YTHDC1: variants seen among roughly 807,000 people sequenced by gnomAD.
YTHDC1 encodes YTH domain-containing protein 1.
YTHDC1 carries 12 observed loss-of-function variants against 107.0 expected under a neutral mutation model. The ratio of observed to expected loss-of-function variants is 0.11; its 90% CI spans 0.07 to 0.18. The LOEUF (loss-of-function observed/expected upper bound fraction) is 0.18. Among genes scored for constraint, YTHDC1 ranks in the 10% least tolerant of loss-of-function variants. The pLI is 1.00. For synonymous variants in YTHDC1, 280 were observed against 289.5 expected (o/e 0.97, Z 0.33); for missense variants, 635 against 898.8 (o/e 0.71, Z 3.75).
chr4:68,333,240 G>A, intron 5 of YTHDC1, 68 bp downstream of exon 5: 2 of 1,223,764 alleles, frequency 1.6e-6, no homozygotes, highest in Non-Finnish European at 2.4e-6. Context: ...CTAAACTACA[G>A]CCTCCACACG....
intron 9 of YTHDC1, among the ~76,000 whole-genome samples, chr4:68,328,062 TTAG>T (rs1723189742): frequency 6.6e-6 from 1 of 152,108 alleles, no homozygotes; most frequent in African/African-American, 2.4e-5. Flanking sequence ...TTCAAACAAA[TTAG>T]TAGAATAGTC....
intron 16 of YTHDC1, among the ~76,000 whole-genome samples, chr4:68,315,099 T>G (rs1721688156): frequency 6.6e-6 from 1 of 152,154 alleles, no homozygotes; most frequent in Admixed American, 6.5e-5. Flanking sequence ...ATCTCAGACT[T>G]CCTATTTTAA....
At chr4:68,348,056 G>A in intron 1 of YTHDC1, among the ~76,000 whole-genome samples, 1 of 152,208 alleles carries the variant, frequency 6.6e-6, no homozygotes, top group East Asian at 1.9e-4. Flanking sequence ...TGTATCCTAT[G>A]TATAGACAAC....
At chr4:68,349,298 T>G (rs1241107607) in intron 1 of YTHDC1, among the ~76,000 whole-genome samples, 2 of 152,204 alleles carry the variant, frequency 1.3e-5, no homozygotes, top group Non-Finnish European at 2.9e-5. Flanking sequence ...CTTCCTAAAC[T>G]TGCTCACTTA....
At position 68,330,159 on chromosome 4, in the gene YTHDC1, T is replaced by C. The variant is rs781053336; in HGVS notation, c.1232-40A>G. On this transcript the variant is annotated intron_variant, in intron 8 of 16. Coordinates refer to ENST00000344157, the MANE Select transcript of YTHDC1 (RefSeq NM_001031732.4). ...TCATAATATAATATGTAGATGCTAA[T>C]ATAATTAATGTTTTTATATGTCCAA... is the stretch of plus-strand genomic sequence containing the variant. 4.4e-6 allele frequency: 7 copies of C among 1,577,632 alleles called. No homozygotes were observed. The South Asian group carries it at 5.7e-5, about 13-fold the overall frequency.
At chr4:68,326,411 C>A (rs1352804825) in intron 9 of YTHDC1, among the ~76,000 whole-genome samples, 1 of 152,122 alleles carries the variant, frequency 6.6e-6, no homozygotes, top group Non-Finnish European at 1.5e-5. Flanking sequence ...CTTATTTTAT[C>A]CTTTCTTCTC....
rs1721553612 is a variant in YTHDC1, at chr4:68,314,143, C to A, written c.2140G>T (p.Asp714Tyr). The A allele has an allele frequency of 6.2e-7, 1 of 1,613,802 alleles. No homozygotes were observed. The highest frequency in any genetic ancestry group is 8.5e-7 in the Non-Finnish European group (1 of 1,179,946). Residue 714 changes from aspartate (D) to tyrosine (Y), a missense_variant, in exon 17 of 17, where the codon GAT becomes TAT. By Grantham distance (160) the Asp-to-Tyr change is radical. This residue lies in a region of YTHDC1 where 256 missense variants were observed against 372.9 expected (regional missense o/e 0.69). Coordinates refer to ENST00000344157, the MANE Select transcript of YTHDC1 (RefSeq NM_001031732.4). ...CTCTCCCCTCGGTCTCTGTCTCGAT[C>A]ACATAATCGCTCTCTTTCTCTTTCT... is the stretch of plus-strand genomic sequence containing the variant. ...DRERERERLC[D>Y]RDRDRGERGR...
intron 16 of YTHDC1, 140 bp from the exon 17 acceptor site, chr4:68,314,463 A>G (rs1418497822): frequency 1.5e-6 from 1 of 683,160 alleles, no homozygotes; most frequent in South Asian, 3.0e-5. Flanking sequence ...CGGCGGAGAG[A>G]ACAATCCAAA....
chr4:68,316,127 A>C, intron 16 of YTHDC1, 187 bp downstream of exon 16: 1 of 587,452 alleles, frequency 1.7e-6, no homozygotes, highest in Non-Finnish European at 2.7e-6. Context: ...AAAGAAATAT[A>C]TTCTATCTAT....
chr4:68,347,709 C>T (rs531272908), intron 1 of YTHDC1, among the ~76,000 whole-genome samples: 158 of 152,184 alleles, frequency 1.0e-3, no homozygotes, highest in Non-Finnish European at 1.5e-3. Context: ...AGGGTTTATC[C>T]TTATAATTTC....
At chr4:68,347,482 G>A (rs927041693) in intron 1 of YTHDC1, among the ~76,000 whole-genome samples, 3 of 152,108 alleles carry the variant, frequency 2.0e-5, no homozygotes, top group Non-Finnish European at 4.4e-5. Context: ...GAGTATTATT[G>A]AAGCATTGTT....
At position 68,323,033 on chromosome 4, in the gene YTHDC1, C is replaced by T. The variant is rs759771149; in HGVS notation, c.1435-118G>A. On this transcript the variant is annotated intron_variant, in intron 10 of 16. Coordinates refer to ENST00000344157, the MANE Select transcript of YTHDC1 (RefSeq NM_001031732.4). Reference sequence around the variant, plus strand: ...AAGCTTTCTTCCCAAGGCTGATGATCATATGGGATTCCAATAAGACTTCCA... The same window carrying T: ...AAGCTTTCTTCCCAAGGCTGATGATTATATGGGATTCCAATAAGACTTCCA... 3.2e-5 allele frequency: 29 copies of T among 901,430 alleles called. No individual in the cohort carries two copies. In the South Asian group the frequency reaches 5.1e-4, roughly 16 times the overall value. 55.8% of individuals were successfully genotyped at this position (901,430 alleles called of 1,614,324 possible). A position where few individuals can be genotyped will look rare whatever the true frequency, so the allele number is the denominator to read the frequency against.
At chr4:68,318,626 A>C in intron 14 of YTHDC1, 45 bp from the exon 15 acceptor site, 1 of 1,606,670 alleles carries the variant, frequency 6.2e-7, no homozygotes, top group Non-Finnish European at 8.5e-7. Context: ...AAATTATCAC[A>C]GAACTGCAAA....
intron 1 of YTHDC1, 78 bp from the exon 2 acceptor site, chr4:68,338,462 G>T: frequency 9.9e-7 from 1 of 1,007,432 alleles, no homozygotes; most frequent in Non-Finnish European, 1.4e-6. Flanking sequence ...CTAAGTGTGA[G>T]GCCACAAGCG....
chr4:68,348,474 CAAA>C (rs34746525), intron 1 of YTHDC1, among the ~76,000 whole-genome samples: 27 of 120,956 alleles, frequency 2.2e-4, no homozygotes, highest in Admixed American at 7.8e-4. Flanking sequence ...CTGGATTTCT[CAAA>C]AAAAAAAAAA....
chr4:68,344,964 G>A (rs1459118825), intron 1 of YTHDC1, among the ~76,000 whole-genome samples: 2 of 152,156 alleles, frequency 1.3e-5, no homozygotes, highest in Non-Finnish European at 2.9e-5. Context: ...CTGGGAGGTC[G>A]CGGCTGCAGT....
At chr4:68,345,437 T>A (rs929488034) in intron 1 of YTHDC1, among the ~76,000 whole-genome samples, 3 of 152,132 alleles carry the variant, frequency 2.0e-5, no homozygotes, top group Admixed American at 6.5e-5. Context: ...ATAATTTTAG[T>A]GGGACTTGGC....
chr4:68,314,835 GA>G (rs146759731), intron 16 of YTHDC1, among the ~76,000 whole-genome samples: 5,137 of 152,270 alleles, frequency 0.034, 94 homozygotes, highest in Middle Eastern at 0.065. Flanking sequence ...TGATGTGCAA[GA>G]AAAGTTGTGG....
intron 1 of YTHDC1, among the ~76,000 whole-genome samples, chr4:68,343,421 C>T (rs982231519): frequency 6.6e-6 from 1 of 150,448 alleles, no homozygotes; most frequent in Non-Finnish European, 1.5e-5. Context: ...AGGCTGTTCT[C>T]GAACTCCTGA....
Sources: gnomAD v4.1 joint callset for allele counts (sites outside exome capture counted in the v4.1 genomes callset) on GRCh38, gnomAD v4.1.1 for gene constraint, gnomAD v4.1.1 regional missense constraint, MANE v1.5 for transcripts, NCBI Gene and HGNC (gene_info 2026-07-23, HGNC 2026-07-21) for gene names.